TBC1D22A: variants seen among roughly 807,000 people sequenced by gnomAD.
TBC1D22A encodes TBC1 domain family member 22A.
TBC1D22A carries 38 observed loss-of-function variants against 60.2 expected under a neutral mutation model. That is an observed-to-expected ratio of 0.63 (90% confidence interval 0.49 to 0.83). The LOEUF is 0.83. Ranked by LOEUF, TBC1D22A falls within the 40% of genes least tolerant of loss-of-function variation. TBC1D22A has a pLI of 0.00. For missense variants in TBC1D22A, 628 were observed against 701.0 expected (o/e 0.90, Z 1.18); for synonymous variants, 302 against 281.7 (o/e 1.07, Z -0.72).
Position 46,911,922 on chromosome 22 carries a change from A to AC in TBC1D22A, c.901-152_901-151insC, listed in dbSNP as rs953152217. 162 of 539,232 alleles carry AC rather than the reference A, an allele frequency of 3.0e-4. 1 individual carries two copies. The African/African-American group carries it at 3.9e-3, about 13-fold the overall frequency. The allele number at this position is 539,232 out of a possible 1,614,324, so 33.4% of individuals were successfully genotyped here. A position where few individuals can be genotyped will look rare whatever the true frequency, so the allele number is the denominator to read the frequency against. ...CAACAGAGTAAGACCCTGTCTCAAAAAAAAAAAAAAATTGATATTTGTTTA... is the reference window on the plus strand; with the variant it reads ...CAACAGAGTAAGACCCTGTCTCAAAACAAAAAAAAAAATTGATATTTGTTTA... On this transcript the variant is annotated intron_variant, in intron 7 of 12. Transcript: ENST00000337137.
At chr22:47,134,707 T>C (rs1425120582) in intron 12 of TBC1D22A, among the ~76,000 whole-genome samples, 2 of 142,370 alleles carry the variant, frequency 1.4e-5, no homozygotes, top group Non-Finnish European at 3.1e-5. Flanking sequence ...CCAGCTTCAC[T>C]ACCAAACCCC....
intron 10 of TBC1D22A, among the ~76,000 whole-genome samples, chr22:47,029,910 C>T (rs769376158): frequency 2.6e-5 from 4 of 152,190 alleles, no homozygotes; most frequent in Non-Finnish European, 4.4e-5. Context: ...CGTCCTGGGT[C>T]TCAACCCTTC....
intron 11 of TBC1D22A, among the ~76,000 whole-genome samples, chr22:47,052,921 G>T (rs1256285521): frequency 6.6e-6 from 1 of 152,224 alleles, no homozygotes; most frequent in Non-Finnish European, 1.5e-5. Context: ...ATGGTCTTGG[G>T]GTCTTGGTGT....
chr22:47,159,040 TACAC>T (rs745841047), intron 12 of TBC1D22A, among the ~76,000 whole-genome samples: 26 of 123,866 alleles, frequency 2.1e-4, no homozygotes, highest in African/African-American at 8.1e-4. Flanking sequence ...ACACCATGTA[TACAC>T]ACACACCATG....
intron 11 of TBC1D22A, among the ~76,000 whole-genome samples, chr22:47,085,070 C>T (rs1033498593): frequency 6.6e-6 from 1 of 152,190 alleles, no homozygotes; most frequent in Non-Finnish European, 1.5e-5. Context: ...GCCTGAAGGT[C>T]AGGAGTTTGA....
intron 9 of TBC1D22A, among the ~76,000 whole-genome samples, chr22:46,976,541 T>C (rs1010729312): frequency 6.6e-6 from 1 of 152,204 alleles, no homozygotes; most frequent in African/African-American, 2.4e-5. Context: ...GGCTATGTAC[T>C]CACTTAAAAC....
chr22:46,973,337 GGTGGTGACAGCAGA>G (rs1265048333), intron 8 of TBC1D22A, among the ~76,000 whole-genome samples: 1 of 152,204 alleles, frequency 6.6e-6, no homozygotes. Flanking sequence ...GGGGCTCAAG[GGTGGTGACAGCAGA>G]GTGGTGACAG....
chr22:47,108,693 T>TTGTTTTG (rs2065732013), intron 11 of TBC1D22A, among the ~76,000 whole-genome samples: 1 of 152,144 alleles, frequency 6.6e-6, no homozygotes, highest in Admixed American at 6.5e-5. Context: ...TAAACATGTT[T>TTGTTTTG]TGTTTTGTTT....
At chr22:47,042,106 C>G (rs1041919425) in intron 11 of TBC1D22A, among the ~76,000 whole-genome samples, 2 of 152,266 alleles carry the variant, frequency 1.3e-5, no homozygotes, top group African/African-American at 4.8e-5. Flanking sequence ...AACTGGGAGT[C>G]TAGGAGCATA....
At chr22:47,006,335 G>A (rs527611246) in intron 10 of TBC1D22A, among the ~76,000 whole-genome samples, 18 of 152,334 alleles carry the variant, frequency 1.2e-4, no homozygotes, top group Middle Eastern at 3.4e-3. Context: ...TTGAAGTGAA[G>A]CTGCCCTTCA....
intron 12 of TBC1D22A, among the ~76,000 whole-genome samples, chr22:47,140,928 C>G (rs906958177): frequency 2.6e-5 from 4 of 152,226 alleles, no homozygotes; most frequent in Non-Finnish European, 5.9e-5. Context: ...ACTCCGGAGC[C>G]CTGACTCTAG....
At chr22:46,911,614 A>G (rs1464381145) in intron 7 of TBC1D22A, among the ~76,000 whole-genome samples, 5 of 152,134 alleles carry the variant, frequency 3.3e-5, no homozygotes, top group African/African-American at 4.8e-5. Context: ...TTTTTTTAAA[A>G]TCAAGTTTCA....
chr22:46,904,933 C>G (rs1328626840), intron 7 of TBC1D22A, among the ~76,000 whole-genome samples: 1 of 152,036 alleles, frequency 6.6e-6, no homozygotes, highest in Non-Finnish European at 1.5e-5. Flanking sequence ...TGCCACCATG[C>G]CCGGCTAATT....
chr22:46,856,021 A>C (rs6007974), intron 4 of TBC1D22A, among the ~76,000 whole-genome samples: 66,258 of 152,044 alleles, frequency 0.44, 14,642 homozygotes, highest in African/African-American at 0.49. Context: ...CCACAGAAGG[A>C]AAGTGGACAG....
intron 12 of TBC1D22A, among the ~76,000 whole-genome samples, chr22:47,140,453 G>C (rs952468875): frequency 9.2e-5 from 14 of 151,922 alleles, no homozygotes; most frequent in Non-Finnish European, 1.9e-4. Context: ...CAGCTACTGG[G>C]GAGGCTGAGG....
intron 10 of TBC1D22A, among the ~76,000 whole-genome samples, chr22:47,006,464 T>G (rs759208947): frequency 6.6e-6 from 1 of 152,220 alleles, no homozygotes; most frequent in Non-Finnish European, 1.5e-5. Context: ...TTGACCGCCC[T>G]GTAGTTGGCT....
intron 8 of TBC1D22A, among the ~76,000 whole-genome samples, chr22:46,932,104 T>C (rs972292890): frequency 7.9e-5 from 12 of 152,216 alleles, no homozygotes; most frequent in Admixed American, 7.2e-4. Context: ...AAAGTGTAAG[T>C]CCTGTGCTAG....
At chr22:47,106,938 C>T (rs1180278760) in intron 11 of TBC1D22A, among the ~76,000 whole-genome samples, 1 of 152,026 alleles carries the variant, frequency 6.6e-6, no homozygotes, top group Non-Finnish European at 1.5e-5. Context: ...TCTCAAAAAA[C>T]ACAACAAAAC....
At chr22:46,981,446 C>A (rs1416227274) in intron 9 of TBC1D22A, among the ~76,000 whole-genome samples, 1 of 152,170 alleles carries the variant, frequency 6.6e-6, no homozygotes, top group Non-Finnish European at 1.5e-5. Flanking sequence ...GGCTTTGTGT[C>A]CCCACCCAAA....
Sources: allele counts gnomAD v4.1 joint callset (sites outside exome capture counted in the v4.1 genomes callset), GRCh38; gene constraint gnomAD v4.1.1; transcripts MANE v1.5; gene names NCBI Gene and HGNC (gene_info 2026-07-23, HGNC 2026-07-21).